SYN3: variants seen among roughly 807,000 people sequenced by gnomAD.
SYN3 encodes the protein synapsin-3.
SYN3 carries 35 observed loss-of-function variants against 65.8 expected under a neutral mutation model. The ratio of observed to expected loss-of-function variants is 0.53; its 90% CI spans 0.41 to 0.70. The LOEUF is 0.70. Among genes scored for constraint, SYN3 ranks in the 30% least tolerant of loss-of-function variants. SYN3 has a pLI of 0.00. For synonymous variants in SYN3, 270 were observed against 292.9 expected, an observed-to-expected ratio of 0.92 and a Z score of 0.80; for missense variants, 680 against 749.0, an observed-to-expected ratio of 0.91 and a Z score of 1.08.
chr22:32,870,873 T>G (rs1039746289), intron 4 of SYN3, among the ~76,000 whole-genome samples: 1 of 152,230 alleles, frequency 6.6e-6, no homozygotes, highest in Non-Finnish European at 1.5e-5. Flanking sequence ...GTCTCCAGTT[T>G]CCTATTGAGG....
chr22:32,601,267 CCTTTTTTTTTCTTT>C, intron 6 of SYN3, among the ~76,000 whole-genome samples: 1 of 132,276 alleles, frequency 7.6e-6, no homozygotes, highest in Non-Finnish European at 1.5e-5. Flanking sequence ...TTTTCCTTTG[CCTTTTTTTTTCTTT>C]CTTTTTTTTT....
At chr22:32,955,411 A>C (rs532928382) in intron 3 of SYN3, among the ~76,000 whole-genome samples, 3 of 152,242 alleles carry the variant, frequency 2.0e-5, no homozygotes. Flanking sequence ...ATTTGGGCAA[A>C]GCACCTGAAT....
intron 6 of SYN3, among the ~76,000 whole-genome samples, chr22:32,658,758 T>C (rs1222203393): frequency 6.6e-6 from 1 of 152,098 alleles, no homozygotes; most frequent in African/African-American, 2.4e-5. Flanking sequence ...AAAAGGGACG[T>C]TGAGCTGGAG....
chr22:32,877,764 C>G (rs765907430), intron 4 of SYN3, among the ~76,000 whole-genome samples: 5 of 152,108 alleles, frequency 3.3e-5, no homozygotes, highest in Non-Finnish European at 7.4e-5. Flanking sequence ...ACTCCCAGCT[C>G]CTTCACTGTT....
chr22:32,687,799 T>C (rs1269841374), intron 6 of SYN3, among the ~76,000 whole-genome samples: 1 of 152,206 alleles, frequency 6.6e-6, no homozygotes, highest in Admixed American at 6.5e-5. Flanking sequence ...TCTCTCCCTA[T>C]TGTTAATTCC....
At chr22:32,733,187 C>A (rs1320710116) in intron 6 of SYN3, among the ~76,000 whole-genome samples, 5 of 152,144 alleles carry the variant, frequency 3.3e-5, no homozygotes, top group Non-Finnish European at 7.3e-5. Context: ...AAGTCTAAAT[C>A]TAATGCCACA....
At chr22:32,800,549 A>G (rs1177265835) in intron 6 of SYN3, among the ~76,000 whole-genome samples, 1 of 152,244 alleles carries the variant, frequency 6.6e-6, no homozygotes, top group African/African-American at 2.4e-5. Context: ...TTTTAAAAAT[A>G]CAAAGCAGAA....
intron 3 of SYN3, among the ~76,000 whole-genome samples, chr22:32,936,869 G>A (rs899943227): frequency 2.0e-5 from 3 of 152,108 alleles, no homozygotes; most frequent in Middle Eastern, 3.2e-3. Flanking sequence ...CCCATGTCTT[G>A]GAAAACTCCT....
At chr22:32,910,832 A>G (rs2050034113) in intron 4 of SYN3, among the ~76,000 whole-genome samples, 1 of 152,200 alleles carries the variant, frequency 6.6e-6, no homozygotes, top group Admixed American at 6.5e-5. Flanking sequence ...AATTGATGCT[A>G]GCCATTTTTA....
At chr22:32,835,809 C>T (rs1286887648) in intron 6 of SYN3, among the ~76,000 whole-genome samples, 1 of 152,276 alleles carries the variant, frequency 6.6e-6, no homozygotes, top group African/African-American at 2.4e-5. Context: ...CATTGAGAGC[C>T]CTGGGGCCCA....
intron 7 of SYN3, among the ~76,000 whole-genome samples, chr22:32,549,949 G>A (rs1342016478): frequency 6.6e-6 from 1 of 151,880 alleles, no homozygotes; most frequent in Non-Finnish European, 1.5e-5. Context: ...ACCTATAGAG[G>A]GAAGGGAAGC....
Position 32,851,961 on chromosome 22 carries a change from CCT to C in SYN3, c.711+12952_711+12953del, listed in dbSNP as rs1403401937. ...CCATCCTCTCGTGCTTCCTTCCCAC[CCT>C]CTCTCTGTGCTTAGTACTGTACTAT... On this transcript the variant is annotated intron_variant, in intron 6 of 13. Transcript: ENST00000358763. Among the ~76,000 whole-genome samples the C allele has an allele frequency of 2.0e-5, 3 of 152,150 alleles. No individual in the cohort carries two copies. In the East Asian group the frequency reaches 5.8e-4, roughly 29 times the overall value.
chr22:32,883,033 G>A (rs1255412152), intron 4 of SYN3, among the ~76,000 whole-genome samples: 27 of 152,138 alleles, frequency 1.8e-4, no homozygotes, highest in Admixed American at 1.8e-3. Context: ...CCACCAGCGA[G>A]TGGTGATGTT....
intron 2 of SYN3, among the ~76,000 whole-genome samples, chr22:32,998,794 A>AAC (rs2052971840): frequency 7.3e-6 from 1 of 137,120 alleles, no homozygotes; most frequent in African/African-American, 2.5e-5. Context: ...AAAAAAAAAA[A>AAC]AAAAACAAAA....
intron 7 of SYN3, among the ~76,000 whole-genome samples, chr22:32,586,942 C>T (rs1402364856): frequency 6.6e-6 from 1 of 152,034 alleles, no homozygotes; most frequent in Admixed American, 6.6e-5. Context: ...GCAGAGAATA[C>T]GCCGGGAGCG....
At chr22:32,650,348 C>A (rs2060051690) in intron 6 of SYN3, among the ~76,000 whole-genome samples, 2 of 149,402 alleles carry the variant, frequency 1.3e-5, no homozygotes, top group Admixed American at 6.7e-5. Context: ...TTCACTGCAA[C>A]CTCTGCCTCC....
intron 6 of SYN3, among the ~76,000 whole-genome samples, chr22:32,656,386 T>C (rs1428218233): frequency 2.0e-5 from 3 of 152,224 alleles, no homozygotes; most frequent in Non-Finnish European, 2.9e-5. Context: ...ACATGATGTA[T>C]ATCAAGTGCT....
intron 10 of SYN3, among the ~76,000 whole-genome samples, chr22:32,531,545 A>G (rs1005386219): frequency 1.3e-5 from 2 of 152,194 alleles, no homozygotes; most frequent in Non-Finnish European, 2.9e-5. Context: ...TTCCCCGGAC[A>G]AGGTCAGAGA....
At chr22:32,980,517 A>G (rs2052339502) in intron 3 of SYN3, 128 bp downstream of exon 3, 2 of 841,582 alleles carry the variant, frequency 2.4e-6, no homozygotes, top group Admixed American at 3.9e-5. Flanking sequence ...CCCAAGTATA[A>G]GCTTGGACTT....
Sources: gnomAD v4.1 joint callset for allele counts (sites outside exome capture counted in the v4.1 genomes callset) on GRCh38, gnomAD v4.1.1 for gene constraint, MANE v1.5 for transcripts, NCBI Gene and HGNC (gene_info 2026-07-23, HGNC 2026-07-21) for gene names.